Variants in RORA observed in about 807,000 individuals in gnomAD.
RORA encodes the protein RAR related orphan receptor A, also known as nuclear receptor ROR-alpha.
In RORA, 7 loss-of-function variants were observed where a neutral mutation model predicts 69.5. The ratio of observed to expected loss-of-function variants is 0.10; its 90% CI spans 0.06 to 0.19. The LOEUF (loss-of-function observed/expected upper bound fraction) is 0.19, where lower values mean the gene tolerates loss of function less well. Among genes scored for constraint, RORA ranks in the 10% least tolerant of loss-of-function variants. The probability of loss-of-function intolerance (pLI) is 1.00; values close to 1 mark genes in which losing one functional copy is unlikely to be tolerated. For missense variants in RORA, 457 were observed against 663.0 expected (o/e 0.69, Z 3.41); for synonymous variants, 261 against 240.8 (o/e 1.08, Z -0.78).
intron 2 of RORA, chr15:60,601,084 C>G (rs1004469301): frequency 6.6e-6 from 1 of 152,152 alleles, no homozygotes. Flanking sequence ...ATGTGCACTC[C>G]TAAACATTAT....
chr15:61,201,788 C>G (rs1469625065), intron 1 of RORA, among the ~76,000 whole-genome samples: 2 of 152,082 alleles, frequency 1.3e-5, no homozygotes, highest in South Asian at 2.1e-4. Context: ...TAGAATGAGA[C>G]CAATACATTT....
At chr15:60,936,700 T>C (rs1419782707) in intron 1 of RORA, among the ~76,000 whole-genome samples, 1 of 152,224 alleles carries the variant, frequency 6.6e-6, no homozygotes, top group Non-Finnish European at 1.5e-5. Flanking sequence ...AAACAAGCCC[T>C]TCTGCTCAAT....
At chr15:60,753,428 C>T (rs1038981650) in intron 1 of RORA, among the ~76,000 whole-genome samples, 16 of 152,308 alleles carry the variant, frequency 1.1e-4, no homozygotes, top group African/African-American at 3.4e-4. Flanking sequence ...CGTGGTCAGC[C>T]CTAGGAGCTT....
At position 60,827,204 on chromosome 15, in the gene RORA, C is replaced by T. The variant is rs191771732; in HGVS notation, c.167-148518G>A. ...CAGCTATGGGGAGAAATTCTTTTTTCTTTTTCAGGGCTGAGGCACTGTTCT... is the reference window on the plus strand; with the variant it reads ...CAGCTATGGGGAGAAATTCTTTTTTTTTTTTCAGGGCTGAGGCACTGTTCT... On this transcript the variant is annotated intron_variant, in intron 1 of 10. Coordinates refer to ENST00000335670, the MANE Select transcript of RORA (RefSeq NM_134261.3). Among the ~76,000 whole-genome samples the T allele has an allele frequency of 1.4e-3, 212 of 152,150 alleles. 3 individuals carry two copies. Among genetic ancestry groups the T allele is most frequent in the Admixed American group, 0.014 (208 of 15,290 alleles).
chr15:60,543,170 CTTTTTTTTTTT>C (rs200401959), intron 2 of RORA, among the ~76,000 whole-genome samples: 8,430 of 121,836 alleles, frequency 0.069, 885 homozygotes, highest in African/African-American at 0.14. Context: ...AAAGTGAAAA[CTTTTTTTTTTT>C]TTTTTTTTTT....
chr15:61,206,413 T>A (rs1013940628), intron 1 of RORA, among the ~76,000 whole-genome samples: 1 of 152,222 alleles, frequency 6.6e-6, no homozygotes, highest in Non-Finnish European at 1.5e-5. Context: ...ACTTGCTGTA[T>A]GCAAAGCACT....
At chr15:61,109,071 C>T (rs1200162222) in intron 1 of RORA, among the ~76,000 whole-genome samples, 2 of 152,156 alleles carry the variant, frequency 1.3e-5, no homozygotes, top group Non-Finnish European at 2.9e-5. Context: ...TGGTGCACGC[C>T]TGTAATCCCA....
At chr15:60,567,216 G>A (rs1288655969) in intron 2 of RORA, among the ~76,000 whole-genome samples, 2 of 150,942 alleles carry the variant, frequency 1.3e-5, no homozygotes, top group East Asian at 1.9e-4. Flanking sequence ...ACCTGGTGAT[G>A]ACAGACCAGT....
chr15:61,102,596 T>C (rs995606880), intron 1 of RORA, among the ~76,000 whole-genome samples: 1 of 152,234 alleles, frequency 6.6e-6, no homozygotes, highest in African/African-American at 2.4e-5. Context: ...ATTTTTGTTT[T>C]CTTGCTGGAG....
chr15:61,169,032 T>A (rs1170729319), intron 1 of RORA, among the ~76,000 whole-genome samples: 1 of 152,334 alleles, frequency 6.6e-6, no homozygotes, highest in South Asian at 2.1e-4. Context: ...GCCTCCATCC[T>A]GCTGGATCTC....
chr15:60,611,645 T>C (rs899733916), intron 2 of RORA, among the ~76,000 whole-genome samples: 1 of 134,110 alleles, frequency 7.5e-6, no homozygotes, highest in African/African-American at 2.8e-5. Context: ...TAGTAGGTGC[T>C]CAATAAATAC....
chr15:60,625,495 G>A (rs1211822271), intron 2 of RORA, among the ~76,000 whole-genome samples: 1 of 152,120 alleles, frequency 6.6e-6, no homozygotes, highest in Non-Finnish European at 1.5e-5. Context: ...GTACAAAATG[G>A]TTCATGTTTG....
intron 1 of RORA, among the ~76,000 whole-genome samples, chr15:60,771,544 AG>A (rs2072075836): frequency 6.6e-6 from 1 of 152,228 alleles, no homozygotes; most frequent in South Asian, 2.1e-4. Flanking sequence ...ACCTAGTGAT[AG>A]AAAAGGCCAC....
At chr15:60,784,160 G>A (rs1006898019) in intron 1 of RORA, among the ~76,000 whole-genome samples, 7 of 152,200 alleles carry the variant, frequency 4.6e-5, no homozygotes, top group African/African-American at 1.4e-4. Flanking sequence ...CTTACTCTAA[G>A]ATAATGTCCT....
chr15:61,063,512 C>T (rs970734864), intron 1 of RORA, among the ~76,000 whole-genome samples: 1 of 152,130 alleles, frequency 6.6e-6, no homozygotes, highest in Admixed American at 6.5e-5. Context: ...AATTTTTGTA[C>T]ATTAGTATGA....
chr15:60,908,407 C>G (rs1891607056), intron 1 of RORA, among the ~76,000 whole-genome samples: 1 of 152,136 alleles, frequency 6.6e-6, no homozygotes, highest in African/African-American at 2.4e-5. Flanking sequence ...GCCCTATTTT[C>G]CCCCCTCCAT....
At chr15:60,679,153 G>A (rs1181784969) in intron 1 of RORA, among the ~76,000 whole-genome samples, 2 of 152,114 alleles carry the variant, frequency 1.3e-5, no homozygotes, top group African/African-American at 4.8e-5. Flanking sequence ...CTCCTCCCAT[G>A]AAGCACAACT....
intron 2 of RORA, chr15:60,677,298 A>G (rs1220396221): frequency 4.7e-6 from 2 of 429,904 alleles, no homozygotes; most frequent in African/African-American, 4.0e-5. Flanking sequence ...GAGCTCAATT[A>G]TGCACCGACA....
intron 1 of RORA, among the ~76,000 whole-genome samples, chr15:60,867,820 G>A (rs560559303): frequency 3.3e-5 from 5 of 152,240 alleles, no homozygotes; most frequent in African/African-American, 1.2e-4. Context: ...TAAGAACTGT[G>A]AATTGACAAT....
Sources: allele counts gnomAD v4.1 joint callset (sites outside exome capture counted in the v4.1 genomes callset), GRCh38; gene constraint gnomAD v4.1.1; transcripts MANE v1.5; gene names NCBI Gene and HGNC (gene_info 2026-07-23, HGNC 2026-07-21).